CHD9: variants seen among roughly 807,000 people sequenced by gnomAD.
CHD9 encodes chromodomain helicase DNA binding protein 9.
A neutral mutation model predicts 316.1 loss-of-function variants in CHD9; 77 were observed. The observed-to-expected ratio is 0.24, with a 90% CI of 0.20 to 0.29. The LOEUF (loss-of-function observed/expected upper bound fraction) is 0.29. Among genes scored for constraint, CHD9 ranks in the 10% least tolerant of loss-of-function variants. The probability of loss-of-function intolerance (pLI) is 1.00; values close to 1 mark genes in which losing one functional copy is unlikely to be tolerated. For missense variants in CHD9, 2,763 were observed against 3,438.1 expected, an observed-to-expected ratio of 0.80 and a Z score of 4.91; for synonymous variants, 1,129 against 1,158.3, an observed-to-expected ratio of 0.97 and a Z score of 0.51.
intron 24 of CHD9, among the ~76,000 whole-genome samples, chr16:53,277,738 A>G (rs980731886): frequency 3.3e-5 from 5 of 152,190 alleles, no homozygotes; most frequent in African/African-American, 1.2e-4. Context: ...TCTGATCAAC[A>G]TAGTACTGGA....
At chr16:53,217,388 G>A (rs1005404736) in intron 3 of CHD9, among the ~76,000 whole-genome samples, 1 of 152,088 alleles carries the variant, frequency 6.6e-6, no homozygotes, top group Non-Finnish European at 1.5e-5. Context: ...CAAGTAGCTG[G>A]GATCACAGAC....
intron 16 of CHD9, chr16:53,247,991 T>C (rs1475310855): frequency 2.6e-5 from 4 of 153,322 alleles, no homozygotes; most frequent in Admixed American, 6.5e-5. Context: ...GTTTTTTGTT[T>C]TGTTTTGTTT....
chr16:53,295,168 C>T (rs2054664532), intron 29 of CHD9, among the ~76,000 whole-genome samples: 1 of 152,188 alleles, frequency 6.6e-6, no homozygotes, highest in African/African-American at 2.4e-5. Flanking sequence ...CCTCTGTCAC[C>T]CAAGCTGGAG....
chr16:53,295,288 C>T (rs1031070504), intron 29 of CHD9, among the ~76,000 whole-genome samples: 7 of 151,962 alleles, frequency 4.6e-5, no homozygotes, highest in East Asian at 1.9e-4. Context: ...CACCATGCCT[C>T]GCTAATTTTT....
intron 1 of CHD9, among the ~76,000 whole-genome samples, chr16:53,125,621 T>A (rs1487851619): frequency 1.3e-5 from 2 of 152,188 alleles, no homozygotes; most frequent in Non-Finnish European, 2.9e-5. Flanking sequence ...TTTTTATCTT[T>A]TCCCAGGCTA....
chr16:53,288,546 TGA>T (rs2054080594), intron 27 of CHD9, among the ~76,000 whole-genome samples: 2 of 152,172 alleles, frequency 1.3e-5, no homozygotes, highest in African/African-American at 4.8e-5. Flanking sequence ...CTAATATTTA[TGA>T]GAGTGTGGTA....
chr16:53,071,424 T>A (rs147895474), intron 1 of CHD9, among the ~76,000 whole-genome samples: 7 of 152,250 alleles, frequency 4.6e-5, no homozygotes, highest in African/African-American at 1.4e-4. Flanking sequence ...ATTTCAAAAA[T>A]GTGAGCCCCT....
chr16:53,149,566 G>A (rs1464279786), intron 1 of CHD9, among the ~76,000 whole-genome samples: 1 of 142,690 alleles, frequency 7.0e-6, no homozygotes. Context: ...TCTGTCTCTC[G>A]TACCCAGCCA....
At chr16:53,270,155 T>C (rs920514089) in intron 22 of CHD9, among the ~76,000 whole-genome samples, 1 of 146,382 alleles carries the variant, frequency 6.8e-6, no homozygotes, top group African/African-American at 2.5e-5. Context: ...CCATCACACC[T>C]GGCTAATTTT....
chr16:53,254,529 A>T lies in CHD9; in HGVS notation c.3953A>T (p.Asp1318Val), dbSNP rs746324728. Residue 1318 changes from aspartate (D) to valine (V), a missense_variant, in exon 18 of 39, where the codon GAC (aspartate) becomes GTC (valine). Physicochemically the swap from Asp to Val is radical, Grantham distance 152. Around this residue, in one of 15 missense-constraint regions of CHD9, gnomAD observed 199 missense variants for 251.7 expected, o/e 0.79. Coordinates refer to ENST00000447540, the MANE Select transcript of CHD9 (RefSeq NM_001308319.2). ...AACTCATATGAGAGAGAGATGTTTG[A>T]CCGAGCCAGTTTGAAACTGGGCCTA... ...TRNSYEREMFDRASLKLGLDK... is the reference protein window; with the variant it reads ...TRNSYEREMFVRASLKLGLDK... 1 of 1,613,086 alleles carries T rather than the reference A, an allele frequency of 6.2e-7. No homozygotes were observed. Among genetic ancestry groups the T allele is most frequent in the Non-Finnish European group, 8.5e-7 (1 of 1,179,400 alleles).
chr16:53,144,698 G>C (rs1233502981), intron 1 of CHD9, among the ~76,000 whole-genome samples: 1 of 151,878 alleles, frequency 6.6e-6, no homozygotes, highest in African/African-American at 2.4e-5. Context: ...GCTAATTTTT[G>C]TATTTTTAGT....
chr16:53,154,674 C>A (rs185720422), intron 1 of CHD9, among the ~76,000 whole-genome samples: 2 of 152,226 alleles, frequency 1.3e-5, no homozygotes, highest in East Asian at 3.9e-4. Flanking sequence ...CGATAGGGTT[C>A]GGGCTGCTAT....
intron 10 of CHD9, 135 bp from the exon 11 acceptor site, chr16:53,235,050 A>G (rs2048504804): frequency 3.5e-6 from 2 of 564,594 alleles, no homozygotes; most frequent in Admixed American, 7.7e-5. Flanking sequence ...TTTGACCTTT[A>G]AATGTTAGGT....
chr16:53,230,309 G>A (rs1322198490), intron 8 of CHD9, among the ~76,000 whole-genome samples: 1 of 152,096 alleles, frequency 6.6e-6, no homozygotes, highest in Non-Finnish European at 1.5e-5. Flanking sequence ...TATTCCATTT[G>A]TAATTATTAA....
At chr16:53,100,155 A>T (rs2036728754) in intron 1 of CHD9, among the ~76,000 whole-genome samples, 2 of 152,064 alleles carry the variant, frequency 1.3e-5, no homozygotes, top group African/African-American at 4.8e-5. Flanking sequence ...AATGGGATAA[A>T]CCTACATGAC....
At chr16:53,237,410 C>A (rs1439379094) in intron 11 of CHD9, among the ~76,000 whole-genome samples, 1 of 152,144 alleles carries the variant, frequency 6.6e-6, no homozygotes, top group East Asian at 1.9e-4. Context: ...CTTTAAAATA[C>A]AAACCTAATC....
At chr16:53,254,870 A>G (rs2050446240) in intron 18 of CHD9, among the ~76,000 whole-genome samples, 1 of 152,260 alleles carries the variant, frequency 6.6e-6, no homozygotes, top group Non-Finnish European at 1.5e-5. Context: ...ATGATGGCAT[A>G]GCAAAATAGA....
chr16:53,171,615 C>T (rs1025234235), intron 2 of CHD9, among the ~76,000 whole-genome samples: 6 of 151,686 alleles, frequency 4.0e-5, no homozygotes, highest in African/African-American at 1.2e-4. Context: ...TTTGGGAGGC[C>T]GAGGCAGGTG....
At chr16:53,134,788 A>C (rs921448282) in intron 1 of CHD9, among the ~76,000 whole-genome samples, 1 of 152,206 alleles carries the variant, frequency 6.6e-6, no homozygotes, top group African/African-American at 2.4e-5. Flanking sequence ...CTGGACTCAA[A>C]GTCATTCACA....
Sources: allele counts gnomAD v4.1 joint callset (sites outside exome capture counted in the v4.1 genomes callset), GRCh38; gene constraint gnomAD v4.1.1; regional missense constraint gnomAD v4.1.1; transcripts MANE v1.5; gene names NCBI Gene and HGNC (gene_info 2026-07-23, HGNC 2026-07-21).